The following OPRM1 variants were observed in gnomAD, a reference collection of about 807,000 sequenced individuals.
OPRM1 encodes opioid receptor mu 1.
Under a neutral mutation model 31.8 loss-of-function variants are expected in OPRM1, and 27 were observed. That is an observed-to-expected ratio of 0.85 (90% confidence interval 0.63 to 1.17). The LOEUF is 1.17. OPRM1 is among the 50% of genes most tolerant of loss of function. The pLI is 0.00. For missense variants in OPRM1, 536 were observed against 511.1 expected (o/e 1.05, Z -0.47); for synonymous variants, 196 against 189.9 (o/e 1.03, Z -0.26).
chr6:154,067,654 A>G lies in OPRM1; in HGVS notation c.291-22172A>G, dbSNP rs192306961. ...TGTTGTTGGGTAGAGTAGTCTGTCT[A>G]TATCTGTTAAACCTAGTTGGTTTGT... On this transcript the variant is annotated intron_variant, in intron 1 of 3. Coordinates refer to ENST00000330432, the MANE Select transcript of OPRM1 (RefSeq NM_000914.5). 3.9e-5 allele frequency among the ~76,000 whole-genome samples: 6 copies of G among 152,118 alleles called. No homozygotes were observed. The East Asian group carries it at 1.2e-3, about 29-fold the overall frequency.
At chr6:154,081,665 A>G (rs1260869230) in intron 1 of OPRM1, among the ~76,000 whole-genome samples, 3 of 152,240 alleles carry the variant, frequency 2.0e-5, no homozygotes, top group Non-Finnish European at 4.4e-5. Context: ...TGAAAAGAAG[A>G]TAAGAAAGCT....
chr6:154,015,757 T>C (rs9688977), intron 1 of OPRM1, among the ~76,000 whole-genome samples: 18,694 of 151,808 alleles, frequency 0.12, 1,246 homozygotes, highest in Non-Finnish European at 0.15. Flanking sequence ...ATCTCTAATA[T>C]ATAAAGATCT....
At chr6:154,162,074 A>G (rs1253557700) in intron 3 of OPRM1, among the ~76,000 whole-genome samples, 1 of 152,188 alleles carries the variant, frequency 6.6e-6, no homozygotes, top group Admixed American at 6.5e-5. Context: ...CACGAACTAC[A>G]TGGATGCAAA....
intron 3 of OPRM1, among the ~76,000 whole-genome samples, chr6:154,209,539 CG>C (rs1583805081): frequency 2.0e-5 from 3 of 150,682 alleles, no homozygotes; most frequent in Non-Finnish European, 1.5e-5. Flanking sequence ...CCCAGCTACT[CG>C]GGGGGCCGAG....
chr6:154,112,041 A>T (rs933953170), intron 3 of OPRM1, among the ~76,000 whole-genome samples: 8 of 152,224 alleles, frequency 5.3e-5, no homozygotes, highest in Non-Finnish European at 1.0e-4. Flanking sequence ...CTGGCATTAC[A>T]GGCTGGAGCC....
At chr6:154,094,752 A>C (rs1324128942) in intron 3 of OPRM1, among the ~76,000 whole-genome samples, 3 of 152,242 alleles carry the variant, frequency 2.0e-5, no homozygotes, top group African/African-American at 7.2e-5. Flanking sequence ...CTGTGGTTTT[A>C]TAGGTCAAAT....
chr6:154,143,940 AAG>A (rs1429088168), intron 3 of OPRM1, among the ~76,000 whole-genome samples: 1 of 152,210 alleles, frequency 6.6e-6, no homozygotes, highest in African/African-American at 2.4e-5. Context: ...CCGAAAGAGA[AAG>A]AGAGAGAGAA....
intron 3 of OPRM1, among the ~76,000 whole-genome samples, chr6:154,146,880 A>C (rs1308516427): frequency 3.3e-5 from 5 of 152,156 alleles, no homozygotes; most frequent in African/African-American, 1.2e-4. Flanking sequence ...GAATCTCAGA[A>C]GGGGCATTGG....
chr6:154,042,230 C>T (rs375812034), intron 1 of OPRM1, among the ~76,000 whole-genome samples: 110 of 152,148 alleles, frequency 7.2e-4, no homozygotes, highest in African/African-American at 2.5e-3. Context: ...ACAGATGAAG[C>T]GACAGGGAAA....
chr6:154,162,420 T>A (rs1448049471), intron 3 of OPRM1, among the ~76,000 whole-genome samples: 1 of 152,236 alleles, frequency 6.6e-6, no homozygotes, highest in Non-Finnish European at 1.5e-5. Context: ...ACTGCTCTTG[T>A]GAAGACCATC....
chr6:154,039,907 A>G, intron 1 of OPRM1, 73 bp downstream of exon 1: 1 of 1,375,736 alleles, frequency 7.3e-7, no homozygotes, highest in Non-Finnish European at 9.8e-7. Context: ...CCTAACTCCC[A>G]AGGCTCAATG....
At chr6:154,107,035 T>C (rs912607349) in intron 3 of OPRM1, among the ~76,000 whole-genome samples, 2 of 152,220 alleles carry the variant, frequency 1.3e-5, no homozygotes, top group Admixed American at 6.5e-5. Flanking sequence ...CTTATATTTC[T>C]AAGCCAATTA....
At chr6:154,214,229 G>A in intron 3 of OPRM1, 1 of 1,604,270 alleles carries the variant, frequency 6.2e-7, no homozygotes, top group Non-Finnish European at 8.5e-7. Context: ...TTCATCCTTT[G>A]TAGTGGATTC....
chr6:154,228,451 G>C (rs1779444802), intron 3 of OPRM1, among the ~76,000 whole-genome samples: 1 of 152,116 alleles, frequency 6.6e-6, no homozygotes, highest in Non-Finnish European at 1.5e-5. Context: ...TCCAAATCTA[G>C]TCTTAAATTC....
chr6:154,188,612 C>T (rs1387691988), intron 3 of OPRM1, among the ~76,000 whole-genome samples: 1 of 152,092 alleles, frequency 6.6e-6, no homozygotes, highest in East Asian at 1.9e-4. Context: ...AGTAGGAAAA[C>T]ATGTGTTACC....
At chr6:154,067,596 G>T (rs1259409894) in intron 1 of OPRM1, among the ~76,000 whole-genome samples, 1 of 151,980 alleles carries the variant, frequency 6.6e-6, no homozygotes, top group Non-Finnish European at 1.5e-5. Flanking sequence ...CCTTGAAAAT[G>T]TTCCATGTGC....
chr6:154,085,250 C>G (rs1790251540), intron 1 of OPRM1, among the ~76,000 whole-genome samples: 1 of 152,118 alleles, frequency 6.6e-6, no homozygotes, highest in Non-Finnish European at 1.5e-5. Flanking sequence ...AAACAAAAGT[C>G]ATATATGCAA....
chr6:154,205,277 AT>A (rs35309621), intron 3 of OPRM1, among the ~76,000 whole-genome samples: 10,371 of 151,516 alleles, frequency 0.068, 422 homozygotes, highest in African/African-American at 0.099. Context: ...GCATCCCTGT[AT>A]TTTTTTTTAA....
At chr6:154,218,296 G>C (rs1778576994) in intron 3 of OPRM1, among the ~76,000 whole-genome samples, 1 of 152,214 alleles carries the variant, frequency 6.6e-6, no homozygotes, top group Non-Finnish European at 1.5e-5. Flanking sequence ...CAGTGTCTGA[G>C]AAAGGCAGCT....
Sources: allele counts gnomAD v4.1 joint callset (sites outside exome capture counted in the v4.1 genomes callset), GRCh38; gene constraint gnomAD v4.1.1; transcripts MANE v1.5; gene names NCBI Gene and HGNC (gene_info 2026-07-23, HGNC 2026-07-21).